The following NOTCH2 variants were observed in gnomAD, a reference collection of about 807,000 sequenced individuals.
The protein encoded by NOTCH2 is neurogenic locus notch homolog protein 2.
A neutral mutation model predicts 235.8 loss-of-function variants in NOTCH2; 29 were observed. That is an observed-to-expected ratio of 0.12 (90% CI 0.09 to 0.17). The LOEUF is 0.17. Among genes scored for constraint, NOTCH2 ranks in the 10% least tolerant of loss-of-function variants. NOTCH2 has a pLI of 1.00. For synonymous variants in NOTCH2, 1,086 were observed against 1,141.5 expected (o/e 0.95, Z 0.98); for missense variants, 2,285 against 3,150.2 (o/e 0.73, Z 6.57).
chr1:119,917,413 G>C (rs1649124622), intron 33 of NOTCH2, among the ~76,000 whole-genome samples: 1 of 152,198 alleles, frequency 6.6e-6, no homozygotes, highest in Non-Finnish European at 1.5e-5. Context: ...TCAGGGAAGA[G>C]AAAGAGTTAC....
At chr1:119,941,267 GAAC>G (rs1650052330) in intron 18 of NOTCH2, among the ~76,000 whole-genome samples, 1 of 152,176 alleles carries the variant, frequency 6.6e-6, no homozygotes, top group South Asian at 2.1e-4. Flanking sequence ...GGGAAGAACA[GAAC>G]AAAATTATAG....
chr1:119,977,387 C>T (rs1369849306), intron 5 of NOTCH2, among the ~76,000 whole-genome samples: 1 of 152,146 alleles, frequency 6.6e-6, no homozygotes, highest in African/African-American at 2.4e-5. Flanking sequence ...ATTCACCTTG[C>T]CTTTGCCCAC....
intron 2 of NOTCH2, among the ~76,000 whole-genome samples, chr1:120,024,969 A>G (rs114746880): frequency 0.018 from 2,728 of 147,712 alleles, no homozygotes; most frequent in East Asian, 0.076. Flanking sequence ...CAGAAAAAGC[A>G]AAGCAAACTA....
At chr1:119,953,838 T>TACAC in intron 13 of NOTCH2, 150 bp from the exon 14 acceptor site, 9 of 747,280 alleles carry the variant, frequency 1.2e-5, no homozygotes, top group Non-Finnish European at 1.9e-5. Flanking sequence ...ACATGGTGTG[T>TACAC]ACCATGTGGC....
intron 4 of NOTCH2, among the ~76,000 whole-genome samples, chr1:119,987,918 T>C (rs587628499): frequency 9.1e-4 from 139 of 152,284 alleles, no homozygotes; most frequent in African/African-American, 3.1e-3. Context: ...CTGCCCACAG[T>C]GTGGTCCTTT....
At chr1:119,945,264 G>A (rs1553196925) in intron 17 of NOTCH2, among the ~76,000 whole-genome samples, 1 of 152,012 alleles carries the variant, frequency 6.6e-6, no homozygotes, top group South Asian at 2.1e-4. Flanking sequence ...TAGATAAAAT[G>A]TAATCATAAA....
At chr1:119,963,177 AGGT>A (rs60094821) in intron 11 of NOTCH2, among the ~76,000 whole-genome samples, 5,878 of 135,028 alleles carry the variant, frequency 0.044, 211 homozygotes, top group South Asian at 0.12. Flanking sequence ...GAAGGAAGGT[AGGT>A]AGGAAGGAAG....
intron 15 of NOTCH2, chr1:119,950,027 C>T (rs1377983540): frequency 5.8e-6 from 1 of 172,786 alleles, no homozygotes; most frequent in Non-Finnish European, 1.2e-5. Flanking sequence ...AAGCACACTC[C>T]AAACATAACA....
rs1472722495 is a variant in NOTCH2 at position 119,997,298 on chromosome 1, A to G, written c.450T>C (p.Ser150=). 6.2e-7 allele frequency: 1 copy of G among 1,613,918 alleles called. No homozygotes were observed. The highest frequency in any genetic ancestry group is 8.5e-7 in the Non-Finnish European group (1 of 1,179,880). The change falls in exon 4 of 34, where the codon TCT becomes TCC. Residue 150 remains serine (S), a synonymous_variant. Transcript: ENST00000256646. ...AGGTACTTCCATTTGCACAGGGATGAGACAGGCAGGCATCCGTCCATTGGC... is the reference window on the plus strand; with the variant it reads ...AGGTACTTCCATTTGCACAGGGATGGGACAGGCAGGCATCCGTCCATTGGC... The part of the protein sequence containing the change: ...KECQWTDACL[S]HPCANGSTCT...
At chr1:119,969,278 T>G (rs1363323866) in intron 6 of NOTCH2, among the ~76,000 whole-genome samples, 1 of 152,218 alleles carries the variant, frequency 6.6e-6, no homozygotes. Context: ...ACTTTCCTTT[T>G]TTGGAATGAA....
Position 120,005,406 on chromosome 1 carries a change from C to T in NOTCH2, c.338G>A (p.Arg113Gln), listed in dbSNP as rs140965343. ...YSTSHPCFVS[R>Q]PCLNGGTCHM... The stretch of plus-strand genomic sequence containing the variant: ...GCATGTGCCGCCATTCAGGCAGGGT[C>T]GAGACACAAAGCATGGATGAGATGT... The change falls in exon 3 of 34, where the codon CGA becomes CAA. Residue 113 changes from arginine to glutamine, a missense_variant. By Grantham distance (43) the Arg-to-Gln change is conservative. Transcript: ENST00000256646. The T allele has an allele frequency of 4.2e-5, 68 of 1,614,024 alleles. No individual in the cohort carries two copies. The highest frequency in any genetic ancestry group is 2.0e-4 in the African/African-American group (15 of 75,060).
intron 22 of NOTCH2, among the ~76,000 whole-genome samples, chr1:119,931,909 TG>T (rs1171296882): frequency 6.6e-6 from 1 of 150,430 alleles, no homozygotes; most frequent in African/African-American, 2.4e-5. Context: ...GGAATATATT[TG>T]TTTTTTTATA....
intron 17 of NOTCH2, among the ~76,000 whole-genome samples, chr1:119,946,624 T>C (rs1301391623): frequency 6.6e-6 from 1 of 151,988 alleles, no homozygotes; most frequent in African/African-American, 2.4e-5. Flanking sequence ...ATTCATTCAT[T>C]ATAAAAATAC....
Position 120,005,503 on chromosome 1 carries a change from C to T in NOTCH2, c.241G>A (p.Ala81Thr), listed in dbSNP as rs1308427063. The change falls in exon 3 of 34, where the codon GCC becomes ACC. Residue 81 changes from alanine to threonine, a missense_variant. Around this residue, in one of 6 missense-constraint regions of NOTCH2, gnomAD observed 431 missense variants for 757.8 expected, o/e 0.57. Transcript: ENST00000256646. ...GTGGCTTTCCCCAGCATGGCCTGGG[C>T]CACACAAGTCCCACCATTCTGGCAG... The part of the protein sequence containing the change: ...NRCQNGGTCV[A>T]QAMLGKATCR... The T allele has an allele frequency of 5.0e-6, 8 of 1,612,470 alleles. No homozygotes were observed. Among genetic ancestry groups the T allele is most frequent in the Non-Finnish European group, 5.1e-6 (6 of 1,179,072 alleles).
chr1:119,988,360 C>T (rs1240060557), intron 4 of NOTCH2, among the ~76,000 whole-genome samples: 1 of 152,136 alleles, frequency 6.6e-6, no homozygotes, highest in Non-Finnish European at 1.5e-5. Context: ...AGACAGAAAT[C>T]ACTGAAGGCT....
chr1:120,007,692 CA>C (rs1223729042), intron 2 of NOTCH2, among the ~76,000 whole-genome samples: 6 of 147,816 alleles, frequency 4.1e-5, no homozygotes, highest in South Asian at 2.2e-4. Context: ...GATTCCATCT[CA>C]AAAAAAAAAG....
chr1:119,953,430 G>A (rs587647831), intron 14 of NOTCH2, 113 bp downstream of exon 14: 55 of 1,169,358 alleles, frequency 4.7e-5, no homozygotes, highest in Middle Eastern at 3.9e-4. Flanking sequence ...TGCTCAATAT[G>A]TTTGTTACAC....
At chr1:119,958,563 C>G (rs1414307986) in intron 12 of NOTCH2, among the ~76,000 whole-genome samples, 1 of 152,162 alleles carries the variant, frequency 6.6e-6, no homozygotes, top group African/African-American at 2.4e-5. Context: ...CCAGGAAGAA[C>G]AGAATGTACA....
At position 119,968,148 on chromosome 1, in the gene NOTCH2, T is replaced by C; in HGVS notation, c.1193A>G (p.Gln398Arg). 1 of 1,614,128 alleles carries C rather than the reference T, an allele frequency of 6.2e-7. No homozygotes were observed. The highest frequency in any genetic ancestry group is 8.5e-7 in the Non-Finnish European group (1 of 1,179,962). The change falls in exon 7 of 34, where the codon CAA becomes CGA. Residue 398 changes from glutamine (Q) to arginine (R), a missense_variant. By Grantham distance (43) the Gln-to-Arg change is conservative (BLOSUM62 1). Around this residue, in one of 6 missense-constraint regions of NOTCH2, gnomAD observed 431 missense variants for 757.8 expected, o/e 0.57. Transcript: ENST00000256646. ...GCCTTGTGGGCAGGTGCAAATATAT[T>C]GCCCATTTAGGGGGTTGGTGTCACA... ...ALCDTNPLNG[Q>R]YICTCPQGYK...
Sources: gnomAD v4.1 joint callset for allele counts (sites outside exome capture counted in the v4.1 genomes callset) on GRCh38, gnomAD v4.1.1 for gene constraint, gnomAD v4.1.1 regional missense constraint, MANE v1.5 for transcripts, NCBI Gene and HGNC (gene_info 2026-07-23, HGNC 2026-07-21) for gene names.